The following HEATR3 variants were observed in gnomAD, a reference collection of about 807,000 sequenced individuals.
The protein encoded by HEATR3 is HEAT repeat-containing protein 3.
In HEATR3, 56 loss-of-function variants were observed where a neutral mutation model predicts 72.8. That is an observed-to-expected ratio of 0.77 (90% CI 0.62 to 0.96). The LOEUF is 0.96. Ranked by LOEUF, HEATR3 falls within the 40% of genes least tolerant of loss-of-function variation. HEATR3 has a pLI of 0.00. For missense variants in HEATR3, 747 were observed against 831.4 expected, an observed-to-expected ratio of 0.90 and a Z score of 1.25; for synonymous variants, 331 against 318.1, an observed-to-expected ratio of 1.04 and a Z score of -0.43.
At chr16:50,099,650 C>T (rs998810039) in intron 12 of HEATR3, among the ~76,000 whole-genome samples, 2 of 152,190 alleles carry the variant, frequency 1.3e-5, no homozygotes, top group Admixed American at 1.3e-4. Flanking sequence ...ACAATCTCAG[C>T]TCACTGCAAC....
chr16:50,072,167 G>A (rs142081047), intron 4 of HEATR3, among the ~76,000 whole-genome samples: 291 of 152,228 alleles, frequency 1.9e-3, no homozygotes, highest in Middle Eastern at 0.01. Context: ...TTATCATTGT[G>A]GTATGGAGGA....
chr16:50,076,737 T>C (rs947409532), intron 6 of HEATR3, among the ~76,000 whole-genome samples: 10 of 86,184 alleles, frequency 1.2e-4, no homozygotes, highest in Non-Finnish European at 2.5e-4. Context: ...TCTTGCTCTG[T>C]CACCCAGGCT....
chr16:50,067,852 GTC>G (rs2036533063), intron 2 of HEATR3, among the ~76,000 whole-genome samples: 1 of 152,208 alleles, frequency 6.6e-6, no homozygotes, highest in Admixed American at 6.5e-5. Flanking sequence ...GCAAGGCAAT[GTC>G]TCTCCTTAAG....
chr16:50,066,076 C>G lies in HEATR3; in HGVS notation c.-56C>G. ...ACCTTGTTAACGGCGCGGCAGCCTC[C>G]ACCGCCTGCTGTTGCCCTCCTCTCT... On this transcript the variant is annotated 5_prime_UTR_variant, in exon 1 of 15. Coordinates refer to ENST00000299192, the MANE Select transcript of HEATR3 (RefSeq NM_182922.4). The G allele has an allele frequency of 6.5e-7, 1 of 1,532,946 alleles. No individual in the cohort carries two copies. Among genetic ancestry groups the G allele is most frequent in the South Asian group, 1.2e-5 (1 of 84,024 alleles). 95.0% of individuals were successfully genotyped at this position (1,532,946 alleles called of 1,614,324 possible). A position where few individuals can be genotyped will look rare whatever the true frequency, so the allele number is the denominator to read the frequency against.
At position 50,066,417 on chromosome 16, in the gene HEATR3, C is replaced by T. The variant is rs776663803; in HGVS notation, c.189C>T (p.Ala63=). 1 of 1,514,772 alleles carries T rather than the reference C, an allele frequency of 6.6e-7. No homozygotes were observed. The highest frequency in any genetic ancestry group is 1.2e-5 in the South Asian group (1 of 80,540). The allele number at this position is 1,514,772 out of a possible 1,614,324, so 93.8% of individuals were successfully genotyped here. ...EVRECACAGL[A]RLVQQRPALP... ...GCGAGTGCGCCTGCGCAGGGCTGGC[C>T]CGGCTGGTGCAGCAGCGGCCGGCAC... The change falls in exon 2 of 15, where the codon GCC becomes GCT. Residue 63 remains alanine (A), a synonymous_variant. Transcript: ENST00000299192.
chr16:50,096,576 A>C (rs1388000828), intron 12 of HEATR3, among the ~76,000 whole-genome samples: 1 of 152,148 alleles, frequency 6.6e-6, no homozygotes, highest in Non-Finnish European at 1.5e-5. Flanking sequence ...AGGCCAGTGG[A>C]CCACGTAAGG....
Position 50,083,987 on chromosome 16 carries a change from G to A in HEATR3, c.1092G>A (p.Gln364=). 6.2e-7 allele frequency: 1 copy of A among 1,612,726 alleles called. No individual in the cohort carries two copies. The highest frequency in any genetic ancestry group is 8.5e-7 in the Non-Finnish European group (1 of 1,179,902). ...CTATAGCATTGCTGACAGCCCAACA[G>A]ACTGCTCTGGAAATTATTGTCAACA... is the stretch of plus-strand genomic sequence containing the variant. ...RETIALLTAQ[Q]TALEIIVNMC... Residue 364 remains glutamine (Q), a synonymous_variant, in exon 8 of 15, where the codon CAG becomes CAA. Transcript: ENST00000299192.
intron 7 of HEATR3, among the ~76,000 whole-genome samples, chr16:50,081,517 G>A (rs2036865791): frequency 6.6e-6 from 1 of 152,056 alleles, no homozygotes; most frequent in Admixed American, 6.6e-5. Flanking sequence ...TGGTGGGGCG[G>A]GGGGTAGAGG....
chr16:50,073,451 G>A (rs1221569018), intron 5 of HEATR3: 1 of 152,224 alleles, frequency 6.6e-6, no homozygotes, highest in Non-Finnish European at 1.5e-5. Flanking sequence ...AGGAAGAAGT[G>A]TATTCCCCTG....
intron 14 of HEATR3, among the ~76,000 whole-genome samples, chr16:50,102,773 G>GT (rs1172238235): frequency 1.3e-5 from 2 of 151,308 alleles, no homozygotes; most frequent in Non-Finnish European, 3.0e-5. Flanking sequence ...ACTTTTTTTT[G>GT]TTTTTTTGAG....
intron 2 of HEATR3, chr16:50,066,776 C>T (rs1443713018): frequency 1.0e-5 from 4 of 395,766 alleles, no homozygotes; most frequent in Non-Finnish European, 1.3e-5. Flanking sequence ...GTCCTGCCCT[C>T]ACGCCTTGCG....
In HEATR3 at chr16:50,105,145, C is replaced by T; in HGVS notation, c.*84C>T. On this transcript the variant is annotated 3_prime_UTR_variant, in exon 15 of 15. Transcript: ENST00000299192. The stretch of plus-strand genomic sequence containing the variant: ...AGGTTTTCTTTGAATGTATATGTTT[C>T]TGAAAGTCATTTTTTAATGATTACA... 7.1e-7 allele frequency: 1 copy of T among 1,411,588 alleles called. No homozygotes were observed. Among genetic ancestry groups the T allele is most frequent in the Non-Finnish European group, 9.8e-7 (1 of 1,024,236 alleles). 87.4% of individuals were successfully genotyped at this position (1,411,588 alleles called of 1,614,324 possible).
intron 11 of HEATR3, among the ~76,000 whole-genome samples, chr16:50,094,285 C>T (rs1276030595): frequency 6.6e-6 from 1 of 152,242 alleles, no homozygotes; most frequent in East Asian, 1.9e-4. Flanking sequence ...CAGTGTGTGG[C>T]TAAGCAGTGG....
intron 7 of HEATR3, among the ~76,000 whole-genome samples, chr16:50,083,392 A>C (rs1405018260): frequency 6.6e-6 from 1 of 152,098 alleles, no homozygotes; most frequent in Non-Finnish European, 1.5e-5. Context: ...TCTTAGAGAA[A>C]TGCTTTATTA....
chr16:50,070,101 TG>T (rs2036578124), intron 3 of HEATR3, 76 bp from the exon 4 acceptor site: 1 of 632,214 alleles, frequency 1.6e-6, no homozygotes, highest in Admixed American at 2.8e-5. Flanking sequence ...CTAGCCTTTG[TG>T]TTTCATCACC....
At chr16:50,100,401 T>G in intron 13 of HEATR3, 28 bp downstream of exon 13, 1 of 1,605,284 alleles carries the variant, frequency 6.2e-7, no homozygotes, top group Non-Finnish European at 8.5e-7. Context: ...TGACCTAACA[T>G]GTTAAATAAT....
rs372071296 is a variant in HEATR3 at position 50,077,972 on chromosome 16, G to A, written c.764-769G>A. Among the ~76,000 whole-genome samples the A allele has an allele frequency of 6.1e-4, 88 of 145,226 alleles. No individual in the cohort carries two copies. The East Asian group carries it at 0.016, about 27-fold the overall frequency. On this transcript the variant is annotated intron_variant, in intron 6 of 14. Coordinates refer to ENST00000299192, the MANE Select transcript of HEATR3 (RefSeq NM_182922.4). Reference sequence around the variant, plus strand: ...GCTCACTGCAACCTCTGCCTCCTGGGTTCAAGTGATTCTCATGCCTCAGCC... The same window carrying A: ...GCTCACTGCAACCTCTGCCTCCTGGATTCAAGTGATTCTCATGCCTCAGCC...
intron 6 of HEATR3, among the ~76,000 whole-genome samples, chr16:50,076,418 CCTCAGGT>C (rs1291667322): frequency 1.3e-5 from 2 of 152,018 alleles, no homozygotes; most frequent in African/African-American, 4.8e-5. Flanking sequence ...GAGCTCGGGA[CCTCAGGT>C]GATTTGCCCA....
chr16:50,104,764 A>G (rs1343552505), intron 14 of HEATR3, among the ~76,000 whole-genome samples, 175 bp from the exon 15 acceptor site: 1 of 152,174 alleles, frequency 6.6e-6, no homozygotes, highest in Non-Finnish European at 1.5e-5. Flanking sequence ...GCACATTCTC[A>G]GTTTATTCTT....
Sources: gnomAD v4.1 joint callset for allele counts (sites outside exome capture counted in the v4.1 genomes callset) on GRCh38, gnomAD v4.1.1 for gene constraint, MANE v1.5 for transcripts, NCBI Gene and HGNC (gene_info 2026-07-23, HGNC 2026-07-21) for gene names.